The following C6orf89 variants were observed in gnomAD, a reference collection of about 807,000 sequenced individuals.
C6orf89 encodes the protein chromosome 6 open reading frame 89, also known as bombesin receptor-activated protein C6orf89.
Under a neutral mutation model 40.7 loss-of-function variants are expected in C6orf89, and 29 were observed. The observed-to-expected ratio is 0.71, with a 90% CI of 0.53 to 0.97. The LOEUF (loss-of-function observed/expected upper bound fraction) is 0.97, where lower values mean the gene tolerates loss of function less well. Among genes scored for constraint, C6orf89 ranks in the 50% least tolerant of loss-of-function variants. The pLI, the probability that C6orf89 is intolerant of heterozygous loss-of-function variation, is 0.00. For synonymous variants in C6orf89, 165 were observed against 152.2 expected (o/e 1.08, Z -0.62); for missense variants, 392 against 429.1 (o/e 0.91, Z 0.76).
intron 1 of C6orf89, chr6:36,874,606 C>T: frequency 2.8e-6 from 4 of 1,405,292 alleles, no homozygotes; most frequent in Admixed American, 3.6e-5. Context: ...TGCTCCACGC[C>T]CCTCCACGTG....
intron 1 of C6orf89, 140 bp downstream of exon 1, chr6:36,886,168 C>T (rs1774979159): frequency 1.3e-6 from 1 of 793,750 alleles, no homozygotes; most frequent in Non-Finnish European, 1.7e-6. Context: ...TTTTCTCAGT[C>T]TCTCCAGTTT....
intron 1 of C6orf89, among the ~76,000 whole-genome samples, chr6:36,889,357 C>A (rs1176415699): frequency 2.6e-5 from 4 of 152,036 alleles, no homozygotes; most frequent in African/African-American, 9.7e-5. Context: ...TGAATGGAAA[C>A]CTGAGAAACA....
At position 36,923,578 on chromosome 6, in the gene C6orf89, C is replaced by A. The variant is rs936156891; in HGVS notation, c.*137C>A. ...CTGCCCTTTGCATGCATGTGTGAAC[C>A]AGCTGTGAGCTGCAAGGCAGTGGCC... On this transcript the variant is annotated 3_prime_UTR_variant, in exon 9 of 9. Transcript: ENST00000480824. 2.6e-5 allele frequency: 19 copies of A among 719,770 alleles called. No individual in the cohort carries two copies. The highest frequency in any genetic ancestry group is 2.3e-4 in the Middle Eastern group (1 of 4,342). 44.6% of individuals were successfully genotyped at this position (719,770 alleles called of 1,614,324 possible).
intron 2 of C6orf89, among the ~76,000 whole-genome samples, chr6:36,879,474 C>A (rs1774744953): frequency 1.3e-5 from 2 of 152,106 alleles, no homozygotes; most frequent in African/African-American, 4.8e-5. Context: ...GGCATGCCAG[C>A]AAAAGAGTAA....
chr6:36,914,264 C>T lies in C6orf89; in HGVS notation c.404-20C>T, dbSNP rs369133098. ...ATGCTCTTTCAGTATCTGTTTTCTCCATATCCCTTCCTCTCTCAGACTTTG... is the reference window on the plus strand; with the variant it reads ...ATGCTCTTTCAGTATCTGTTTTCTCTATATCCCTTCCTCTCTCAGACTTTG... On this transcript the variant is annotated intron_variant, in intron 4 of 8. Coordinates refer to ENST00000480824, the MANE Select transcript of C6orf89 (RefSeq NM_001286635.2). 141 of 1,606,394 alleles carry T rather than the reference C, an allele frequency of 8.8e-5. No individual in the cohort carries two copies. In the African/African-American group the frequency reaches 1.6e-3, roughly 18 times the overall value.
intron 3 of C6orf89, among the ~76,000 whole-genome samples, chr6:36,900,956 C>T (rs1029295586): frequency 2.6e-5 from 4 of 152,136 alleles, no homozygotes; most frequent in African/African-American, 9.7e-5. Context: ...AAGCAATTCT[C>T]CTGCCTCAGC....
intron 4 of C6orf89, among the ~76,000 whole-genome samples, chr6:36,909,176 T>C (rs1762031500): frequency 7.1e-6 from 1 of 141,028 alleles, no homozygotes; most frequent in Non-Finnish European, 1.6e-5. Context: ...CTAGGGTTGT[T>C]GTGGGTTTTT....
At chr6:36,910,745 T>G (rs1256823777) in intron 4 of C6orf89, among the ~76,000 whole-genome samples, 1 of 148,708 alleles carries the variant, frequency 6.7e-6, no homozygotes, top group South Asian at 2.1e-4. Context: ...AAAAAAAGGC[T>G]GGTCTCAAAC....
chr6:36,903,739 C>T (rs959918052), intron 4 of C6orf89, among the ~76,000 whole-genome samples: 6 of 152,074 alleles, frequency 3.9e-5, no homozygotes, highest in African/African-American at 1.4e-4. Flanking sequence ...ATTGGGTCTC[C>T]ATCGAAAGCT....
chr6:36,878,788 G>A (rs529352295), intron 1 of C6orf89, among the ~76,000 whole-genome samples: 3 of 152,260 alleles, frequency 2.0e-5, no homozygotes, highest in Admixed American at 1.3e-4. Flanking sequence ...ATTCAAATAA[G>A]GCAAACACTG....
intron 1 of C6orf89, among the ~76,000 whole-genome samples, chr6:36,875,711 A>G (rs1774635411): frequency 6.6e-6 from 1 of 152,264 alleles, no homozygotes; most frequent in Admixed American, 6.5e-5. Context: ...TAAGCATTTT[A>G]TTGCGTATTT....
At chr6:36,874,753 T>C (rs1774602969) in intron 1 of C6orf89, 1 of 1,614,014 alleles carries the variant, frequency 6.2e-7, no homozygotes, top group African/African-American at 1.3e-5. Flanking sequence ...CTGCCAGGAA[T>C]CTGGGGGAAT....
At position 36,923,435 on chromosome 6, in the gene C6orf89, A is replaced by T; in HGVS notation, c.1038A>T (p.Glu346Asp). 4 of 1,612,792 alleles carry T rather than the reference A, an allele frequency of 2.5e-6. No individual in the cohort carries two copies. Among genetic ancestry groups the T allele is most frequent in the Non-Finnish European group, 3.4e-6 (4 of 1,178,778 alleles). The change falls in exon 9 of 9, where the codon GAA becomes GAT. Residue 346 changes from glutamate to aspartate, a missense_variant. Coordinates refer to ENST00000480824, the MANE Select transcript of C6orf89 (RefSeq NM_001286635.2). Reference protein sequence around the residue: ...LVICDGTAFSEL With the variant: ...LVICDGTAFSDL ...TCTGCGATGGAACCGCTTTCTCAGA[A>T]CTGTAGGAAATAGAACTGTGCACAG...
Position 36,899,461 on chromosome 6 carries a change from A to G in C6orf89, c.17A>G (p.Asn6Ser), listed in dbSNP as rs1761576302. The G allele has an allele frequency of 6.2e-7, 1 of 1,614,118 alleles. No homozygotes were observed. The highest frequency in any genetic ancestry group is 1.1e-5 in the South Asian group (1 of 91,078). The change falls in exon 3 of 9, where the codon AAC becomes AGC. Residue 6 changes from asparagine (N) to serine (S), a missense_variant. By Grantham distance (46) the Asn-to-Ser change is conservative. Coordinates refer to ENST00000480824, the MANE Select transcript of C6orf89 (RefSeq NM_001286635.2). MDLAA[N>S]EISIYDKLSE... Reference sequence around the variant, plus strand: ...TTGGAAGACATGGATCTTGCTGCCAACGAGATCAGCATTTATGACAAACTT... The same window carrying G: ...TTGGAAGACATGGATCTTGCTGCCAGCGAGATCAGCATTTATGACAAACTT...
Position 36,923,382 on chromosome 6 carries a change from A to G in C6orf89, c.985A>G (p.Ile329Val), listed in dbSNP as rs747079134. ...VDTTHWKVYV[I>V]ARGVQPLVIC... Reference sequence around the variant, plus strand: ...CACCACCCACTGGAAGGTCTACGTTATAGCCAGAGGGGTCCAGCCTTTGGT... The same window carrying G: ...CACCACCCACTGGAAGGTCTACGTTGTAGCCAGAGGGGTCCAGCCTTTGGT... Residue 329 changes from isoleucine (I) to valine (V), a missense_variant, in exon 9 of 9, where the codon ATA becomes GTA. Physicochemically the swap from Ile to Val is conservative, Grantham distance 29. Transcript: ENST00000480824. The G allele has an allele frequency of 1.2e-6, 2 of 1,614,054 alleles. No homozygotes were observed. The highest frequency in any genetic ancestry group is 8.5e-7 in the Non-Finnish European group (1 of 1,179,986).
chr6:36,896,628 C>T (rs758558348), intron 2 of C6orf89, among the ~76,000 whole-genome samples: 12 of 152,100 alleles, frequency 7.9e-5, no homozygotes, highest in African/African-American at 2.7e-4. Context: ...TTTTCCCCTC[C>T]TCTTGTCTTC....
intron 1 of C6orf89, among the ~76,000 whole-genome samples, chr6:36,874,550 G>C (rs1021452162): frequency 7.9e-5 from 12 of 152,230 alleles, no homozygotes; most frequent in African/African-American, 2.7e-4. Flanking sequence ...CTTGGACGCG[G>C]GCGATGGCGG....
intron 1 of C6orf89, among the ~76,000 whole-genome samples, chr6:36,891,850 G>A (rs1347984707): frequency 6.6e-6 from 1 of 152,168 alleles, no homozygotes; most frequent in East Asian, 1.9e-4. Context: ...TTAACTAGAT[G>A]AATCAGTTTT....
chr6:36,897,887 G>A (rs1394101611), intron 2 of C6orf89, among the ~76,000 whole-genome samples: 1 of 152,034 alleles, frequency 6.6e-6, no homozygotes, highest in Non-Finnish European at 1.5e-5. Flanking sequence ...AGTACTTTTT[G>A]GGGCTAGAAG....
Sources: allele counts gnomAD v4.1 joint callset (sites outside exome capture counted in the v4.1 genomes callset), GRCh38; gene constraint gnomAD v4.1.1; transcripts MANE v1.5; gene names NCBI Gene and HGNC (gene_info 2026-07-23, HGNC 2026-07-21).